Variants in SOCS7 observed in about 807,000 individuals in gnomAD.
SOCS7 encodes NAP-4.
Under a neutral mutation model 58.9 loss-of-function variants are expected in SOCS7, and 18 were observed. That is an observed-to-expected ratio of 0.31 (90% CI 0.21 to 0.45). The LOEUF is 0.45. SOCS7 is among the 20% of genes least tolerant of loss of function. The probability of loss-of-function intolerance (pLI) is 1.00; values close to 1 mark genes in which losing one functional copy is unlikely to be tolerated. For missense variants in SOCS7, 667 were observed against 837.3 expected, an observed-to-expected ratio of 0.80 and a Z score of 2.51; for synonymous variants, 388 against 364.3, an observed-to-expected ratio of 1.06 and a Z score of -0.74.
intron 6 of SOCS7, 24 bp from the exon 7 acceptor site, chr17:38,377,690 T>G: frequency 1.3e-6 from 2 of 1,589,648 alleles, no homozygotes; most frequent in South Asian, 2.4e-5. Context: ...TTTAAAATTT[T>G]TACTTCTTAA....
intron 7 of SOCS7, among the ~76,000 whole-genome samples, chr17:38,380,858 C>T (rs983888599): frequency 1.1e-4 from 17 of 151,096 alleles, no homozygotes; most frequent in African/African-American, 3.7e-4. Flanking sequence ...GACTCTGTCT[C>T]CAAAAAATAA....
In SOCS7 at chr17:38,365,448, A is replaced by G. The variant is rs1555568178; in HGVS notation, c.1252+39A>G. 2.2e-6 allele frequency: 3 copies of G among 1,348,160 alleles called. No homozygotes were observed. In the South Asian group the frequency reaches 3.8e-5, roughly 17 times the overall value. The allele number at this position is 1,348,160 out of a possible 1,614,324, so 83.5% of individuals were successfully genotyped here. ...AGAGGCAAGACTTGTAAGAGTTGGGAGTACAAAGTGATACTTTCTACCATA... is the reference window on the plus strand; with the variant it reads ...AGAGGCAAGACTTGTAAGAGTTGGGGGTACAAAGTGATACTTTCTACCATA... On this transcript the variant is annotated intron_variant, in intron 4 of 9. Transcript: ENST00000612932.
Position 38,395,338 on chromosome 17 carries a change from T to C in SOCS7, c.1711T>C (p.Tyr571His). 1 of 1,614,218 alleles carries C rather than the reference T, an allele frequency of 6.2e-7. No homozygotes were observed. Among genetic ancestry groups the C allele is most frequent in the Non-Finnish European group, 8.5e-7 (1 of 1,180,034 alleles). ...GCCACCAACTCCTGTCCAGCTGCTC[T>C]ATCCAGTGTCCCGATTCAGCAATGT... ...GLPPTPVQLL[Y>H]PVSRFSNVKS... Residue 571 changes from tyrosine (Y) to histidine (H), a missense_variant, in exon 8 of 10, where the codon TAT becomes CAT. By Grantham distance (83) the Tyr-to-His change is moderately conservative. This residue lies in a region of SOCS7 where 76 missense variants were observed against 194.5 expected (regional missense o/e 0.39). Transcript: ENST00000612932.
intron 4 of SOCS7, 172 bp from the exon 5 acceptor site, chr17:38,366,115 T>A: frequency 7.9e-7 from 1 of 1,264,722 alleles, no homozygotes; most frequent in Non-Finnish European, 1.1e-6. Flanking sequence ...CCCACACAGC[T>A]TTTTGTTCCA....
intron 1 of SOCS7, among the ~76,000 whole-genome samples, chr17:38,356,457 A>G (rs1455641863): frequency 1.3e-5 from 2 of 151,744 alleles, no homozygotes; most frequent in East Asian, 4.0e-4. Context: ...GGCTCACTAC[A>G]ACCTCCGCCT....
At chr17:38,387,109 A>ATATATATATATATGTATGTG (rs2038081133) in intron 7 of SOCS7, among the ~76,000 whole-genome samples, 2 of 99,408 alleles carry the variant, frequency 2.0e-5, no homozygotes, top group African/African-American at 1.2e-4. Flanking sequence ...AAAAATATAT[A>ATATATATATATATGTATGTG]TATATATATA....
chr17:38,358,380 A>C (rs1269015771), intron 1 of SOCS7, among the ~76,000 whole-genome samples: 2 of 152,204 alleles, frequency 1.3e-5, no homozygotes, highest in African/African-American at 2.4e-5. Context: ...TATCATTCCA[A>C]ATGGTTCATG....
rs2038313097 is a variant in SOCS7 at position 38,401,125 on chromosome 17, G to A, written c.*1643G>A. On this transcript the variant is annotated 3_prime_UTR_variant, in exon 10 of 10. Coordinates refer to ENST00000612932, the MANE Select transcript of SOCS7 (RefSeq NM_014598.4). ...GCCTTCTTCCTTAGTCCCACGTGGA[G>A]TGACCAGTCTTCCTCCTTGTAGCTG... 6.6e-6 allele frequency: 1 copy of A among 152,214 alleles called. No individual in the cohort carries two copies. The highest frequency in any genetic ancestry group is 1.5e-5 in the Non-Finnish European group (1 of 68,044). The allele number at this position is 152,214 out of a possible 1,614,324, so 9.4% of individuals were successfully genotyped here. A position where few individuals can be genotyped will look rare whatever the true frequency, so the allele number is the denominator to read the frequency against.
chr17:38,397,503 C>T (rs910586619), intron 9 of SOCS7, among the ~76,000 whole-genome samples: 1 of 152,032 alleles, frequency 6.6e-6, no homozygotes, highest in South Asian at 2.1e-4. Context: ...GCCCCAAGGC[C>T]CTCCCATGTC....
intron 4 of SOCS7, 138 bp from the exon 5 acceptor site, chr17:38,366,149 C>A: frequency 7.5e-7 from 1 of 1,331,024 alleles, no homozygotes; most frequent in Non-Finnish European, 1.0e-6. Flanking sequence ...TTTGCCACTG[C>A]TTTGGCTTCT....
At chr17:38,364,111 CTT>C (rs1442427931) in intron 2 of SOCS7, among the ~76,000 whole-genome samples, 1 of 152,192 alleles carries the variant, frequency 6.6e-6, no homozygotes, top group African/African-American at 2.4e-5. Context: ...GATTACCTGA[CTT>C]TTGTCTGACT....
intron 7 of SOCS7, among the ~76,000 whole-genome samples, chr17:38,379,777 A>G (rs1431131879): frequency 6.6e-6 from 1 of 152,200 alleles, no homozygotes; most frequent in Non-Finnish European, 1.5e-5. Context: ...GCTTAAAGGG[A>G]AAAGTTAGAT....
rs2038295101 is a variant in SOCS7 at position 38,399,740 on chromosome 17, A to C, written c.*258A>C. The C allele has an allele frequency of 6.5e-6, 1 of 152,736 alleles. No individual in the cohort carries two copies. Among genetic ancestry groups the C allele is most frequent in the Non-Finnish European group, 1.5e-5 (1 of 68,110 alleles). 9.5% of individuals were successfully genotyped at this position (152,736 alleles called of 1,614,324 possible). On this transcript the variant is annotated 3_prime_UTR_variant, in exon 10 of 10. Transcript: ENST00000612932. ...AGGGGCTCCTTGGAAAACTGGAAGA[A>C]GTCTCAACACTGTTTCTTTTTCAGA...
At chr17:38,362,800 T>A (rs587702773) in intron 2 of SOCS7, among the ~76,000 whole-genome samples, 2 of 152,288 alleles carry the variant, frequency 1.3e-5, no homozygotes, top group African/African-American at 4.8e-5. Flanking sequence ...AATAGTTGTT[T>A]CCTCATTAAA....
chr17:38,396,072 C>G, intron 9 of SOCS7, 74 bp downstream of exon 9: 1 of 1,269,742 alleles, frequency 7.9e-7, no homozygotes, highest in Non-Finnish European at 1.1e-6. Context: ...AGCCTTGGGC[C>G]CCCTCCCCAC....
intron 7 of SOCS7, among the ~76,000 whole-genome samples, chr17:38,387,061 G>A (rs1482934161): frequency 4.7e-5 from 6 of 127,652 alleles, no homozygotes; most frequent in African/African-American, 6.5e-5. Flanking sequence ...CAGCCTGGGC[G>A]ACAGAGCGAG....
intron 6 of SOCS7, among the ~76,000 whole-genome samples, chr17:38,370,571 A>T (rs9910109): frequency 0.22 from 33,368 of 151,414 alleles, 4,824 homozygotes; most frequent in East Asian, 0.43. Context: ...GAACTCCTGG[A>T]CTGGAGCAAT....
intron 7 of SOCS7, among the ~76,000 whole-genome samples, chr17:38,380,529 C>T (rs1272853116): frequency 6.6e-6 from 1 of 151,578 alleles, no homozygotes; most frequent in Admixed American, 6.6e-5. Context: ...ACTCTGGAGG[C>T]TGAGGCAGGA....
chr17:38,391,377 A>G (rs1420376776), intron 7 of SOCS7, among the ~76,000 whole-genome samples: 2 of 152,140 alleles, frequency 1.3e-5, no homozygotes, highest in African/African-American at 4.8e-5. Context: ...ATTAAAAAAC[A>G]GTGCTTCACT....
Sources: gnomAD v4.1 joint callset for allele counts (sites outside exome capture counted in the v4.1 genomes callset) on GRCh38, gnomAD v4.1.1 for gene constraint, gnomAD v4.1.1 regional missense constraint, MANE v1.5 for transcripts, NCBI Gene and HGNC (gene_info 2026-07-23, HGNC 2026-07-21) for gene names.